TMEM131: variants seen among roughly 807,000 people sequenced by gnomAD.
TMEM131 encodes 2610524E03Rik.
TMEM131 carries 66 observed loss-of-function variants against 211.6 expected under a neutral mutation model. The ratio of observed to expected loss-of-function variants is 0.31; its 90% CI spans 0.26 to 0.38. TMEM131 has a LOEUF of 0.38. Among genes scored for constraint, TMEM131 ranks in the 10% least tolerant of loss-of-function variants. The pLI, the probability that TMEM131 is intolerant of heterozygous loss-of-function variation, is 1.00. For synonymous variants in TMEM131, 844 were observed against 841.3 expected (o/e 1.00, Z -0.06); for missense variants, 2,036 against 2,299.3 (o/e 0.89, Z 2.34).
chr2:97,867,866 C>A (rs564350838), intron 4 of TMEM131, among the ~76,000 whole-genome samples: 1 of 152,222 alleles, frequency 6.6e-6, no homozygotes, highest in South Asian at 2.1e-4. Context: ...TGGTGGGGAG[C>A]ATAATAGAAT....
At chr2:97,763,039 A>C (rs935191289) in intron 35 of TMEM131, 1 of 152,234 alleles carries the variant, frequency 6.6e-6, no homozygotes, top group Non-Finnish European at 1.5e-5. Context: ...CCATCACCAC[A>C]GGGCACGATC....
At chr2:97,962,522 A>G (rs1249891999) in intron 1 of TMEM131, among the ~76,000 whole-genome samples, 2 of 152,090 alleles carry the variant, frequency 1.3e-5, no homozygotes, top group African/African-American at 2.4e-5. Flanking sequence ...ACTATAATGA[A>G]ATACCACTAA....
At chr2:97,805,789 T>A in intron 19 of TMEM131, 86 bp from the exon 20 acceptor site, 1 of 1,229,882 alleles carries the variant, frequency 8.1e-7, no homozygotes, top group Admixed American at 2.7e-5. Context: ...CAAGCATACT[T>A]CTAGGAAACC....
In TMEM131 at chr2:97,796,391, T is replaced by G. The variant is rs753673602; in HGVS notation, c.3027A>C (p.Arg1009Ser). The change falls in exon 28 of 41, where the codon AGA becomes AGC. Residue 1009 changes from arginine (R) to serine (S), a missense_variant. By Grantham distance (110) the Arg-to-Ser change is moderately radical. Coordinates refer to ENST00000186436, the MANE Select transcript of TMEM131 (RefSeq NM_015348.2). ...TTCTTTTCAATGTGAAATTTGGTTCTCTTAGTTTTAAACCTAAAGGATAAA... is the reference window on the plus strand; with the variant it reads ...TTCTTTTCAATGTGAAATTTGGTTCGCTTAGTTTTAAACCTAAAGGATAAA... ...LKDCTDSLKL[R>S]EPNFTLKRTF... The G allele has an allele frequency of 2.0e-6, 3 of 1,524,766 alleles. No individual in the cohort carries two copies. Among genetic ancestry groups the G allele is most frequent in the Non-Finnish European group, 1.8e-6 (2 of 1,138,374 alleles). 94.5% of individuals were successfully genotyped at this position (1,524,766 alleles called of 1,614,324 possible).
intron 3 of TMEM131, among the ~76,000 whole-genome samples, chr2:97,903,286 G>C (rs192468753): frequency 1.2e-4 from 18 of 152,208 alleles, no homozygotes; most frequent in Admixed American, 1.0e-3. Flanking sequence ...AAGCACGTGC[G>C]ATTTTTTTAT....
intron 1 of TMEM131, among the ~76,000 whole-genome samples, chr2:97,929,638 TA>T (rs1677136659): frequency 6.6e-6 from 1 of 151,836 alleles, no homozygotes; most frequent in Non-Finnish European, 1.5e-5. Context: ...ATCCTGATTT[TA>T]TTTTGGGAAA....
intron 22 of TMEM131, among the ~76,000 whole-genome samples, chr2:97,803,773 G>A (rs989516398): frequency 2.0e-5 from 3 of 152,136 alleles, no homozygotes; most frequent in South Asian, 2.1e-4. Flanking sequence ...CAGGCTTTTT[G>A]TGGGTAGGAG....
intron 1 of TMEM131, among the ~76,000 whole-genome samples, chr2:97,949,390 A>AG (rs1404127762): frequency 1.3e-5 from 2 of 152,132 alleles, no homozygotes; most frequent in African/African-American, 4.8e-5. Context: ...AAGGGTCACA[A>AG]GGAAATAGAG....
At chr2:97,845,868 T>C (rs567384421) in intron 5 of TMEM131, among the ~76,000 whole-genome samples, 57 of 150,658 alleles carry the variant, frequency 3.8e-4, no homozygotes, top group Non-Finnish European at 7.5e-4. Flanking sequence ...GTCAAAAATA[T>C]AAGGAACTAA....
intron 33 of TMEM131, among the ~76,000 whole-genome samples, chr2:97,767,289 A>C (rs1250393834): frequency 6.6e-6 from 1 of 152,246 alleles, no homozygotes; most frequent in Non-Finnish European, 1.5e-5. Flanking sequence ...ATATATCTTA[A>C]GTTTCCAAAG....
intron 1 of TMEM131, among the ~76,000 whole-genome samples, chr2:97,979,060 G>A (rs1331776569): frequency 6.6e-6 from 1 of 152,248 alleles, no homozygotes; most frequent in East Asian, 1.9e-4. Flanking sequence ...GCTCCTGGGT[G>A]ACCAGTTGCC....
At chr2:97,805,229 C>T (rs908387902) in intron 21 of TMEM131, 24 bp from the exon 22 acceptor site, 21 of 1,599,014 alleles carry the variant, frequency 1.3e-5, no homozygotes, top group Non-Finnish European at 1.6e-5. Context: ...ACATACTTAA[C>T]CTGCATCTAT....
At chr2:97,878,673 A>G (rs1212411713) in intron 4 of TMEM131, among the ~76,000 whole-genome samples, 1 of 152,028 alleles carries the variant, frequency 6.6e-6, no homozygotes, top group Non-Finnish European at 1.5e-5. Context: ...TAGAGGGGGG[A>G]ACATCATACA....
chr2:97,928,574 G>C (rs1177260017), intron 1 of TMEM131, among the ~76,000 whole-genome samples: 1 of 151,828 alleles, frequency 6.6e-6, no homozygotes, highest in Non-Finnish European at 1.5e-5. Flanking sequence ...CAACCTTACT[G>C]AAGTGGGGGG....
intron 1 of TMEM131, among the ~76,000 whole-genome samples, chr2:97,950,276 C>A (rs186157638): frequency 7.9e-5 from 12 of 152,298 alleles, no homozygotes; most frequent in African/African-American, 2.6e-4. Flanking sequence ...TAGTTAAAAT[C>A]ATTAACTATA....
At chr2:97,760,494 A>G (rs983072102) in intron 38 of TMEM131, 99 bp downstream of exon 38, 1 of 1,110,966 alleles carries the variant, frequency 9.0e-7, no homozygotes, top group African/African-American at 1.7e-5. Context: ...CTTGTAAATT[A>G]GGGGAAAAAT....
intron 38 of TMEM131, 144 bp from the exon 39 acceptor site, chr2:97,759,893 G>T: frequency 1.5e-6 from 1 of 652,568 alleles, no homozygotes; most frequent in Non-Finnish European, 2.7e-6. Flanking sequence ...AGGAAGAGCT[G>T]AACAATGGCT....
intron 5 of TMEM131, among the ~76,000 whole-genome samples, chr2:97,853,107 G>A (rs544040194): frequency 3.7e-4 from 56 of 152,296 alleles, no homozygotes; most frequent in African/African-American, 6.0e-4. Context: ...GAAGATGCAC[G>A]TTGTTTTCAT....
chr2:97,794,867 T>C (rs1482720339), intron 29 of TMEM131, 63 bp downstream of exon 29: 23 of 1,379,006 alleles, frequency 1.7e-5, no homozygotes, highest in African/African-American at 2.9e-5. Context: ...TGGCACACAG[T>C]GGGCACTCGA....
Sources: gnomAD v4.1 joint callset for allele counts (sites outside exome capture counted in the v4.1 genomes callset) on GRCh38, gnomAD v4.1.1 for gene constraint, MANE v1.5 for transcripts, NCBI Gene and HGNC (gene_info 2026-07-23, HGNC 2026-07-21) for gene names.